Variants in CEP72 observed in about 807,000 individuals in gnomAD.
CEP72 encodes centrosomal protein 72.
In CEP72, 78 loss-of-function variants were observed where a neutral mutation model predicts 65.7. The ratio of observed to expected loss-of-function variants is 1.19; its 90% confidence interval spans 0.99 to 1.43. The LOEUF (loss-of-function observed/expected upper bound fraction) is 1.43, where lower values mean the gene tolerates loss of function less well. Among genes scored for constraint, CEP72 ranks in the 40% most tolerant of loss-of-function variants. CEP72 has a pLI of 0.00. For missense variants in CEP72, 914 were observed against 832.9 expected (o/e 1.10, Z -1.20); for synonymous variants, 358 against 351.7 (o/e 1.02, Z -0.20).
intron 4 of CEP72, among the ~76,000 whole-genome samples, 155 bp from the exon 5 acceptor site, chr5:633,614 A>G (rs1737374404): frequency 6.6e-6 from 1 of 152,244 alleles, no homozygotes; most frequent in Admixed American, 6.5e-5. Flanking sequence ...ACTCTTTAGC[A>G]TCACTGCAGT....
chr5:667,830 A>T (rs1054042060), downstream of CEP72, among the ~76,000 whole-genome samples: 58 of 151,556 alleles, frequency 3.8e-4, no homozygotes, highest in Non-Finnish European at 3.7e-4. Flanking sequence ...ACAGACAAGC[A>T]CACGGAGAGG....
intron 4 of CEP72, among the ~76,000 whole-genome samples, chr5:625,796 T>C (rs1255958281): frequency 6.6e-6 from 1 of 152,104 alleles, no homozygotes; most frequent in Non-Finnish European, 1.5e-5. Flanking sequence ...GTTGTTTGTC[T>C]CGGAGGGCCT....
intron 4 of CEP72, among the ~76,000 whole-genome samples, chr5:633,568 A>C (rs555301351): frequency 9.8e-4 from 149 of 152,358 alleles, no homozygotes; most frequent in Non-Finnish European, 1.8e-3. Flanking sequence ...TTATCACGTA[A>C]CCTGGCTGTT....
chr5:625,155 CTA>C (rs919744283), intron 4 of CEP72, among the ~76,000 whole-genome samples: 20 of 152,066 alleles, frequency 1.3e-4, no homozygotes, highest in Admixed American at 1.1e-3. Flanking sequence ...GCCTGCATGT[CTA>C]TGTTCGGTTG....
chr5:616,281 A>AT (rs111354879), intron 1 of CEP72, among the ~76,000 whole-genome samples: 9 of 151,792 alleles, frequency 5.9e-5, no homozygotes, highest in East Asian at 1.9e-4. Context: ...TGCTCTTGTG[A>AT]TTTTTTGTTA....
At chr5:614,738 C>T (rs1040963281) in intron 1 of CEP72, among the ~76,000 whole-genome samples, 2 of 152,142 alleles carry the variant, frequency 1.3e-5, no homozygotes, top group African/African-American at 2.4e-5. Flanking sequence ...TGTGTGATTC[C>T]ATTATGGCCA....
intron 1 of CEP72, among the ~76,000 whole-genome samples, chr5:614,785 G>T (rs1190337692): frequency 6.6e-6 from 1 of 152,154 alleles, no homozygotes; most frequent in Non-Finnish European, 1.5e-5. Context: ...TTTTAAATTT[G>T]TCAGGGTTTG....
chr5:653,859 C>G (rs1739263009), downstream of CEP72, among the ~76,000 whole-genome samples: 1 of 152,208 alleles, frequency 6.6e-6, no homozygotes, highest in Non-Finnish European at 1.5e-5. Flanking sequence ...TTATGTCATA[C>G]TTGCTGTGAT....
At chr5:655,181 C>T (rs183512204), downstream of CEP72, among the ~76,000 whole-genome samples, 9 of 151,852 alleles carry the variant, frequency 5.9e-5, no homozygotes, top group Non-Finnish European at 1.2e-4. This position sits in a 1 kb window ranked among gnomAD's most constrained non-coding sequence, Gnocchi z 5.0. Context: ...GCCAACATGG[C>T]GAAACTCCAT....
At chr5:674,644 T>TC in the CEP72 span, among the ~76,000 whole-genome samples, 1 of 152,018 alleles carries the variant, frequency 6.6e-6, no homozygotes, top group East Asian at 1.9e-4. Context: ...GCGGCCCTGG[T>TC]CACCAGGACC....
At chr5:621,521 CCACCCACCAGATGAA>C (rs2126740460) in intron 3 of CEP72, among the ~76,000 whole-genome samples, 1 of 152,348 alleles carries the variant, frequency 6.6e-6, no homozygotes, top group South Asian at 2.1e-4. Context: ...TGGGGTTTTG[CCACCCACCAGATGAA>C]CACCCGGCAG....
intron 1 of CEP72, among the ~76,000 whole-genome samples, chr5:614,908 C>T (rs1025153278): frequency 9.2e-5 from 14 of 151,966 alleles, no homozygotes; most frequent in African/African-American, 2.9e-4. Flanking sequence ...TCAATTAGAT[C>T]CTGTTGGTTG....
chr5:649,765 G>T (rs1738817724), intron 11 of CEP72, among the ~76,000 whole-genome samples: 1 of 76,280 alleles, frequency 1.3e-5, no homozygotes, highest in Non-Finnish European at 2.6e-5. Context: ...GTGTGACTGT[G>T]AGGCGTGGAC....
chr5:649,450 TG>T (rs1191976026), intron 11 of CEP72, among the ~76,000 whole-genome samples: 18 of 21,164 alleles, frequency 8.5e-4, no homozygotes, highest in East Asian at 2.2e-3. Context: ...CTGTGAGGTG[TG>T]GACTGTGAGG....
At chr5:634,281 C>T (rs992395459) in intron 5 of CEP72, among the ~76,000 whole-genome samples, 1 of 152,176 alleles carries the variant, frequency 6.6e-6, no homozygotes, top group Non-Finnish European at 1.5e-5. Flanking sequence ...TGCAGGGGGG[C>T]ATAGTCACCG....
rs1227109074 is a variant in CEP72, at chr5:653,221, T to C, written c.*68T>C. On this transcript the variant is annotated 3_prime_UTR_variant, in exon 12 of 12. Transcript: ENST00000264935. ...AGTTACATTGTCTGCACCTTTGTAC[T>C]TCTTTATTGAGTGTACTGGCTGGCA... 2.8e-6 allele frequency: 4 copies of C among 1,413,750 alleles called. No individual in the cohort carries two copies. Among genetic ancestry groups the C allele is most frequent in the Non-Finnish European group, 9.4e-7 (1 of 1,066,058 alleles). 87.6% of individuals were successfully genotyped at this position (1,413,750 alleles called of 1,614,324 possible).
Position 623,369 on chromosome 5 carries a change from C to T in CEP72, c.404-1102C>T, listed in dbSNP as rs572742187. The stretch of plus-strand genomic sequence containing the variant: ...GGAGTGGGCTCGGTCCTTGGCTCCG[C>T]GTGGGTCATGGAAAGGCCCCGGTGG... On this transcript the variant is annotated intron_variant, in intron 3 of 11. Transcript: ENST00000264935. This position sits in a 1 kb window ranked among gnomAD's most constrained non-coding sequence, Gnocchi z 5.3. Among the ~76,000 whole-genome samples, 89 of 152,324 alleles carry T rather than the reference C, an allele frequency of 5.8e-4. No individual in the cohort carries two copies. Among genetic ancestry groups the T allele is most frequent in the African/African-American group, 2.1e-3 (86 of 41,576 alleles).
chr5:666,020 C>T (rs747626300), exon 4 of CEP72: 5 of 1,609,354 alleles, frequency 3.1e-6, no homozygotes, highest in South Asian at 2.2e-5. Context: ...CTGTGCACCT[C>T]GCGAACGGCC....
At chr5:640,711 A>G (rs971741661) in intron 9 of CEP72, 107 bp downstream of exon 9, 9 of 1,457,712 alleles carry the variant, frequency 6.2e-6, no homozygotes, top group African/African-American at 4.2e-5. Context: ...CCCAACTGCC[A>G]TCTCTGCAGC....
Sources: allele counts gnomAD v4.1 joint callset (sites outside exome capture counted in the v4.1 genomes callset), GRCh38; gene constraint gnomAD v4.1.1; non-coding constraint Gnocchi (gnomAD v3.1); transcripts MANE v1.5; gene names NCBI Gene and HGNC (gene_info 2026-07-23, HGNC 2026-07-21).